Variants in SPICE1 observed in about 807,000 individuals in gnomAD.
SPICE1 encodes spindle and centriole associated protein 1, also known as spindle and centriole-associated protein 1.
SPICE1 carries 75 observed loss-of-function variants against 102.7 expected under a neutral mutation model. The observed-to-expected ratio is 0.73, with a 90% confidence interval of 0.61 to 0.88. The LOEUF (loss-of-function observed/expected upper bound fraction) is 0.88. Ranked by LOEUF, SPICE1 falls within the 40% of genes least tolerant of loss-of-function variation. The probability of loss-of-function intolerance (pLI) is 0.00; values close to 1 mark genes in which losing one functional copy is unlikely to be tolerated. For synonymous variants in SPICE1, 308 were observed against 350.3 expected, an observed-to-expected ratio of 0.88 and a Z score of 1.35; for missense variants, 979 against 1,020.1, an observed-to-expected ratio of 0.96 and a Z score of 0.55.
chr3:113,507,211 C>G (rs1274136200), intron 1 of SPICE1, among the ~76,000 whole-genome samples: 1 of 151,956 alleles, frequency 6.6e-6, no homozygotes, highest in Non-Finnish European at 1.5e-5. Context: ...TGATTTTAAA[C>G]TAGAATTTTT....
chr3:113,475,479 C>G, intron 7 of SPICE1, among the ~76,000 whole-genome samples: 1 of 151,146 alleles, frequency 6.6e-6, no homozygotes, highest in Non-Finnish European at 1.5e-5. Context: ...GAGACACAAC[C>G]AAAAAAGAGA....
At chr3:113,488,897 C>A in intron 7 of SPICE1, 48 bp downstream of exon 7, 5 of 1,085,836 alleles carry the variant, frequency 4.6e-6, no homozygotes, top group South Asian at 1.5e-5. Flanking sequence ...TTGAAATGGC[C>A]ATGGAAAAAA....
At chr3:113,489,402 C>G (rs1477137263) in intron 6 of SPICE1, among the ~76,000 whole-genome samples, 1 of 152,152 alleles carries the variant, frequency 6.6e-6, no homozygotes, top group Non-Finnish European at 1.5e-5. Context: ...CCTCACTCAC[C>G]ACCTATGCCC....
chr3:113,508,057 T>C (rs1317872456), intron 1 of SPICE1, among the ~76,000 whole-genome samples: 1 of 152,164 alleles, frequency 6.6e-6, no homozygotes, highest in African/African-American at 2.4e-5. Flanking sequence ...CAACAGATGG[T>C]GCTGGGACAA....
In SPICE1 at chr3:113,506,551, G is replaced by T; in HGVS notation, c.55C>A (p.Pro19Thr). 7 of 1,612,960 alleles carry T rather than the reference G, an allele frequency of 4.3e-6. No individual in the cohort carries two copies. Among genetic ancestry groups the T allele is most frequent in the Non-Finnish European group, 5.9e-6 (7 of 1,179,604 alleles). ...GAAGTTTTCTTCTTCTTTACTTTCGGTGTCTTTCTTACACCAACTCGGGGA... is the reference window on the plus strand; with the variant it reads ...GAAGTTTTCTTCTTCTTTACTTTCGTTGTCTTTCTTACACCAACTCGGGGA... ...CGPRVGVRKT[P>T]KVKKKKTSVK... is the part of the protein sequence containing the mutation. Residue 19 changes from proline to threonine, a missense_variant, in exon 2 of 18, where the codon CCG becomes ACG. Coordinates refer to ENST00000295872, the MANE Select transcript of SPICE1 (RefSeq NM_144718.4).
chr3:113,473,768 A>C lies in SPICE1; in HGVS notation c.612-4530T>G, dbSNP rs867775066. Among the ~76,000 whole-genome samples, 76 of 151,878 alleles carry C rather than the reference A, an allele frequency of 5.0e-4. No individual in the cohort carries two copies. In the Middle Eastern group the frequency reaches 0.017, roughly 34 times the overall value. On this transcript the variant is annotated intron_variant, in intron 7 of 17. Coordinates refer to ENST00000295872, the MANE Select transcript of SPICE1 (RefSeq NM_144718.4). ...TTTTGTCACCACCAGGCCTGCCCTA[A>C]AAGAGCTCCTGAAGGAAGCACTAAA...
intron 1 of SPICE1, among the ~76,000 whole-genome samples, chr3:113,510,257 A>G (rs1937192530): frequency 6.6e-6 from 1 of 152,214 alleles, no homozygotes; most frequent in Non-Finnish European, 1.5e-5. Context: ...TCTTCACAGA[A>G]TTAGAAAAAA....
In SPICE1 at chr3:113,447,930, C is replaced by A. The variant is rs7623410; in HGVS notation, c.2426+108G>T. ...TTACTCTCTTTGCATGAGTCTGTCT[C>A]AACCTAAGTCAGATACTGTACACTT... On this transcript the variant is annotated intron_variant, in intron 16 of 17. Transcript: ENST00000295872. The A allele has an allele frequency of 1.3e-3, 1,303 of 965,680 alleles. 14 individuals carry two copies. The African/African-American group carries it at 0.019, about 14-fold the overall frequency. 59.8% of individuals were successfully genotyped at this position (965,680 alleles called of 1,614,324 possible). A position where few individuals can be genotyped will look rare whatever the true frequency, so the allele number is the denominator to read the frequency against.
In SPICE1 at chr3:113,444,717, T is replaced by A. The variant is rs1453046105; in HGVS notation, c.*590A>T. 6.6e-6 allele frequency: 1 copy of A among 152,176 alleles called. No individual in the cohort carries two copies. The highest frequency in any genetic ancestry group is 1.5e-5 in the Non-Finnish European group (1 of 68,044). The allele number at this position is 152,176 out of a possible 1,614,324, so 9.4% of individuals were successfully genotyped here. ...CACATTTAAAAACTACATAAGATTT[T>A]ATAATAAATGCAACCACTCTTACCT... On this transcript the variant is annotated 3_prime_UTR_variant, in exon 18 of 18. Coordinates refer to ENST00000295872, the MANE Select transcript of SPICE1 (RefSeq NM_144718.4).
intron 7 of SPICE1, among the ~76,000 whole-genome samples, chr3:113,476,843 C>T (rs1260309786): frequency 1.3e-5 from 2 of 150,526 alleles, no homozygotes; most frequent in Admixed American, 1.3e-4. Context: ...TAGAAGAAAA[C>T]CTAGGCATTA....
chr3:113,450,577 C>A, intron 14 of SPICE1, 61 bp from the exon 15 acceptor site: 2 of 1,446,998 alleles, frequency 1.4e-6, no homozygotes, highest in Non-Finnish European at 1.8e-6. Flanking sequence ...ATCTCTCCCA[C>A]GATTTTTTTT....
At chr3:113,472,052 C>T (rs1178711340) in intron 7 of SPICE1, among the ~76,000 whole-genome samples, 1 of 152,216 alleles carries the variant, frequency 6.6e-6, no homozygotes. Context: ...AAAGGGGTGA[C>T]AGACGGCACC....
At chr3:113,462,803 A>G (rs1935964064) in intron 11 of SPICE1, among the ~76,000 whole-genome samples, 1 of 152,144 alleles carries the variant, frequency 6.6e-6, no homozygotes, top group Admixed American at 6.6e-5. Context: ...GTTTCAACAC[A>G]GCCCAGAGTG....
At position 113,453,946 on chromosome 3, in the gene SPICE1, C is replaced by T. The variant is rs1935721730; in HGVS notation, c.1662G>A (p.Leu554=). 1 of 1,603,732 alleles carries T rather than the reference C, an allele frequency of 6.2e-7. No homozygotes were observed. The highest frequency in any genetic ancestry group is 8.5e-7 in the Non-Finnish European group (1 of 1,175,268). The change falls in exon 14 of 18, where the codon TTG becomes TTA. Residue 554 remains leucine, a synonymous_variant. Transcript: ENST00000295872. ...NLKFSPLQDV[L]RRTVQTRPAP... is the part of the protein sequence containing the mutation. ...CAGGACGAGTTTGAACAGTCCTTCT[C>T]AATACTATAGATAAGAATTTAAAAA...
chr3:113,514,782 A>G, intron 1 of SPICE1, 115 bp downstream of exon 1: 1 of 1,286,592 alleles, frequency 7.8e-7, no homozygotes. Context: ...GCTACAATCG[A>G]GCACCCCCAA....
chr3:113,456,954 A>C (rs1344787701), intron 13 of SPICE1, among the ~76,000 whole-genome samples, 182 bp downstream of exon 13: 3 of 152,244 alleles, frequency 2.0e-5, no homozygotes, highest in Non-Finnish European at 1.5e-5. Context: ...AAAATTAATT[A>C]AATGTCACAC....
At chr3:113,469,454 TTATA>T (rs1049345537) in intron 7 of SPICE1, among the ~76,000 whole-genome samples, 4 of 146,290 alleles carry the variant, frequency 2.7e-5, no homozygotes, top group Non-Finnish European at 4.5e-5. Flanking sequence ...TTATATATAA[TTATA>T]TAATAATTAC....
rs991543124 is a variant in SPICE1, at chr3:113,494,461, A to C, written c.292-319T>G. Among the ~76,000 whole-genome samples the C allele has an allele frequency of 1.6e-4, 24 of 151,964 alleles. No homozygotes were observed. In the South Asian group the frequency reaches 4.4e-3, roughly 28 times the overall value. On this transcript the variant is annotated intron_variant, in intron 4 of 17. Coordinates refer to ENST00000295872, the MANE Select transcript of SPICE1 (RefSeq NM_144718.4). ...AGGAGATCGAGACCATCCCGGCTAA[A>C]ACGGTGAAACCCCGTCTCTACTAAA...
intron 11 of SPICE1, among the ~76,000 whole-genome samples, chr3:113,464,051 G>C (rs1231295533): frequency 2.6e-5 from 4 of 151,758 alleles, no homozygotes; most frequent in East Asian, 1.9e-4. Context: ...CTGGGGGACA[G>C]AGTGGGACTC....
Sources: gnomAD v4.1 joint callset for allele counts (sites outside exome capture counted in the v4.1 genomes callset) on GRCh38, gnomAD v4.1.1 for gene constraint, MANE v1.5 for transcripts, NCBI Gene and HGNC (gene_info 2026-07-23, HGNC 2026-07-21) for gene names.